The following KLHL8 variants were observed in gnomAD, a reference collection of about 807,000 sequenced individuals.
KLHL8 encodes kelch-like protein 8.
Under a neutral mutation model 63.5 loss-of-function variants are expected in KLHL8, and 38 were observed. The observed-to-expected ratio is 0.60, with a 90% CI of 0.46 to 0.78. The LOEUF (loss-of-function observed/expected upper bound fraction) is 0.78, where lower values mean the gene tolerates loss of function less well. Ranked by LOEUF, KLHL8 falls within the 30% of genes least tolerant of loss-of-function variation. The pLI is 0.00. For synonymous variants in KLHL8, 224 were observed against 254.3 expected (o/e 0.88, Z 1.13); for missense variants, 566 against 752.4 (o/e 0.75, Z 2.90).
Position 87,185,559 on chromosome 4 carries a change from C to A in KLHL8, c.457G>T (p.Ala153Ser). ...TTCATGTATTCACAACAAGCTCTAGCCACCAGTTCAACCTGCAGAATACAG... is the reference window on the plus strand; with the variant it reads ...TTCATGTATTCACAACAAGCTCTAGACACCAGTTCAACCTGCAGAATACAG... The part of the protein sequence containing the change: ...AACILQVELV[A>S]RACCEYMKLH... Residue 153 changes from alanine (A) to serine (S), a missense_variant, in exon 3 of 10, where the codon GCT (alanine) becomes TCT (serine). Transcript: ENST00000273963. 1 of 1,614,198 alleles carries A rather than the reference C, an allele frequency of 6.2e-7. No individual in the cohort carries two copies. Among genetic ancestry groups the A allele is most frequent in the South Asian group, 1.1e-5 (1 of 91,084 alleles).
chr4:87,212,322 TA>T (rs1301081953), intron 1 of KLHL8, among the ~76,000 whole-genome samples: 1 of 152,068 alleles, frequency 6.6e-6, no homozygotes, highest in Non-Finnish European at 1.5e-5. Flanking sequence ...ACTGAAAAGC[TA>T]AAAACAACCA....
rs1730835064 is a variant in KLHL8, at chr4:87,176,795, A to G, written c.1170T>C (p.Thr390=). 1 of 1,605,728 alleles carries G rather than the reference A, an allele frequency of 6.2e-7. No homozygotes were observed. The highest frequency in any genetic ancestry group is 1.7e-5 in the Admixed American group (1 of 59,008). ...LGSMEMFDPL[T]NKWMMKASMN... is the part of the protein sequence containing the mutation. Reference sequence around the variant, plus strand: ...TTGATGCCTTCATCATCCATTTATTAGTGAGAGGATCAAACATCTCCATAC... The same window carrying G: ...TTGATGCCTTCATCATCCATTTATTGGTGAGAGGATCAAACATCTCCATAC... Residue 390 remains threonine, a synonymous_variant, in exon 6 of 10, where the codon ACT becomes ACC. Coordinates refer to ENST00000273963, the MANE Select transcript of KLHL8 (RefSeq NM_020803.5).
At chr4:87,166,058 G>A (rs1212029826) in intron 8 of KLHL8, among the ~76,000 whole-genome samples, 2 of 152,208 alleles carry the variant, frequency 1.3e-5, no homozygotes, top group Non-Finnish European at 2.9e-5. Context: ...AGGGAGCTGT[G>A]AGAGGTAGCA....
intron 3 of KLHL8, among the ~76,000 whole-genome samples, chr4:87,184,138 T>C (rs748571668): frequency 1.3e-5 from 2 of 152,212 alleles, no homozygotes; most frequent in African/African-American, 4.8e-5. Context: ...GAACGAAATC[T>C]GCCTTACCAT....
rs1025604666 is a variant in KLHL8, at chr4:87,161,341, G to C, written c.*2178C>G. 2 of 152,328 alleles carry C rather than the reference G, an allele frequency of 1.3e-5. No individual in the cohort carries two copies. Among genetic ancestry groups the C allele is most frequent in the African/African-American group, 4.8e-5 (2 of 41,548 alleles). The allele number at this position is 152,328 out of a possible 1,614,324, so 9.4% of individuals were successfully genotyped here. ...TCACAGGCGTGAGCCACCATGCCTG[G>C]CCTATTTATCTTTTCATACTGCTGT... On this transcript the variant is annotated 3_prime_UTR_variant, in exon 10 of 10. Transcript: ENST00000273963.
At chr4:87,196,171 GAAC>G (rs1419866475) in intron 1 of KLHL8, among the ~76,000 whole-genome samples, 2 of 149,072 alleles carry the variant, frequency 1.3e-5, no homozygotes, top group African/African-American at 2.5e-5. Context: ...TTTTTTAGCA[GAAC>G]AACATGATCC....
At chr4:87,207,307 AC>A (rs111547554) in intron 1 of KLHL8, 4 of 599,906 alleles carry the variant, frequency 6.7e-6, no homozygotes, top group African/African-American at 1.8e-5. Context: ...AAATCCCATT[AC>A]CATCTTCCAG....
At chr4:87,174,814 T>C (rs538882934) in intron 6 of KLHL8, among the ~76,000 whole-genome samples, 1 of 152,332 alleles carries the variant, frequency 6.6e-6, no homozygotes, top group African/African-American at 2.4e-5. Flanking sequence ...GTGCAAAATA[T>C]ATGTGATCTT....
At chr4:87,212,369 CAGG>C (rs1732436071) in intron 1 of KLHL8, among the ~76,000 whole-genome samples, 1 of 152,006 alleles carries the variant, frequency 6.6e-6, no homozygotes, top group Non-Finnish European at 1.5e-5. Flanking sequence ...TTGAGCCTAC[CAGG>C]AGTTCAAGAC....
intron 1 of KLHL8, among the ~76,000 whole-genome samples, chr4:87,206,731 C>A (rs1020914540): frequency 6.6e-6 from 1 of 152,220 alleles, no homozygotes; most frequent in African/African-American, 2.4e-5. Flanking sequence ...GGAATGATGT[C>A]AAGGCCCAAC....
At chr4:87,165,334 T>C (rs1035546270) in intron 8 of KLHL8, among the ~76,000 whole-genome samples, 8 of 152,124 alleles carry the variant, frequency 5.3e-5, no homozygotes, top group Non-Finnish European at 8.8e-5. Flanking sequence ...TTTTTCATTA[T>C]AATAAAGGGT....
At chr4:87,183,706 T>G (rs1370583685) in intron 3 of KLHL8, among the ~76,000 whole-genome samples, 1 of 152,218 alleles carries the variant, frequency 6.6e-6, no homozygotes, top group Non-Finnish European at 1.5e-5. Flanking sequence ...TCAAATTGCT[T>G]ACTTCCAAAA....
In KLHL8 at chr4:87,200,172, A is replaced by C. The variant is rs556328413; in HGVS notation, c.-151-4482T>G. ...AAAAAAAAAAAAAAGAAAAAAAAAA[A>C]GGTAAAGGACTTGAATAGACATTTC... is the stretch of plus-strand genomic sequence containing the variant. On this transcript the variant is annotated intron_variant, in intron 1 of 9. Transcript: ENST00000273963. 2.2e-3 allele frequency among the ~76,000 whole-genome samples: 337 copies of C among 150,252 alleles called. 2 individuals carry two copies. Among genetic ancestry groups the C allele is most frequent in the Middle Eastern group, 0.021 (6 of 282 alleles).
At chr4:87,166,530 T>C (rs955425113) in intron 8 of KLHL8, among the ~76,000 whole-genome samples, 4 of 152,240 alleles carry the variant, frequency 2.6e-5, no homozygotes, top group Non-Finnish European at 4.4e-5. Context: ...TTATCTCTTA[T>C]TCTTAAAATG....
At chr4:87,184,726 A>G (rs1731185840) in intron 3 of KLHL8, among the ~76,000 whole-genome samples, 1 of 152,138 alleles carries the variant, frequency 6.6e-6, no homozygotes, top group Non-Finnish European at 1.5e-5. Context: ...TCCTATTGAC[A>G]GTAAAAAATA....
chr4:87,214,883 C>T (rs1397024533), intron 1 of KLHL8, among the ~76,000 whole-genome samples: 1 of 152,100 alleles, frequency 6.6e-6, no homozygotes, highest in Non-Finnish European at 1.5e-5. Flanking sequence ...ACTGCAGCCT[C>T]CTCCTCCTGG....
intron 2 of KLHL8, among the ~76,000 whole-genome samples, chr4:87,194,757 C>T (rs1489652961): frequency 6.6e-6 from 1 of 152,190 alleles, no homozygotes; most frequent in Non-Finnish European, 1.5e-5. Flanking sequence ...CATGATCCTA[C>T]AGATGATGAG....
chr4:87,219,985 C>G (rs972058436), intron 1 of KLHL8: 2 of 152,228 alleles, frequency 1.3e-5, no homozygotes, highest in African/African-American at 4.8e-5. Context: ...GGGCCCCGAA[C>G]CCGCGCCAGC....
At chr4:87,207,839 C>G in intron 1 of KLHL8, 1 of 1,456,686 alleles carries the variant, frequency 6.9e-7, no homozygotes, top group Non-Finnish European at 9.6e-7. Flanking sequence ...CTGGAAAAAC[C>G]TGCCAAATAT....
Sources: allele counts gnomAD v4.1 joint callset (sites outside exome capture counted in the v4.1 genomes callset), GRCh38; gene constraint gnomAD v4.1.1; transcripts MANE v1.5; gene names NCBI Gene and HGNC (gene_info 2026-07-23, HGNC 2026-07-21).